MAPK8IP3: variants seen among roughly 807,000 people sequenced by gnomAD.
MAPK8IP3 encodes mitogen-activated protein kinase 8 interacting protein 3.
In MAPK8IP3, 49 loss-of-function variants were observed where a neutral mutation model predicts 157.8. That is an observed-to-expected ratio of 0.31 (90% CI 0.25 to 0.39). The LOEUF (loss-of-function observed/expected upper bound fraction) is 0.39, where lower values mean the gene tolerates loss of function less well. Among genes scored for constraint, MAPK8IP3 ranks in the 10% least tolerant of loss-of-function variants. The pLI is 1.00. For missense variants in MAPK8IP3, 1,478 were observed against 1,889.4 expected (o/e 0.78, Z 4.04); for synonymous variants, 897 against 777.7 (o/e 1.15, Z -2.55).
intron 8 of MAPK8IP3, among the ~76,000 whole-genome samples, chr16:1,753,370 T>C (rs1368962031): frequency 6.6e-6 from 1 of 152,146 alleles, no homozygotes; most frequent in African/African-American, 2.4e-5. Flanking sequence ...TCCTCCCACT[T>C]TGGCCTCCCA....
intron 29 of MAPK8IP3, 24 bp from the exon 30 acceptor site, chr16:1,768,175 C>G (rs200920722): frequency 1.2e-6 from 2 of 1,611,784 alleles, no homozygotes; most frequent in East Asian, 4.5e-5. Flanking sequence ...GCGGGCTCAG[C>G]GCCTCTGGGT....
At chr16:1,768,165 G>A (rs1167881173) in intron 29 of MAPK8IP3, 34 bp from the exon 30 acceptor site, 3 of 1,611,826 alleles carry the variant, frequency 1.9e-6, no homozygotes, top group Middle Eastern at 1.6e-4. Flanking sequence ...CCACCTGTAT[G>A]CGGGCTCAGC....
rs769445567 is a variant in MAPK8IP3, at chr16:1,729,114, TCAGA to T, written c.440-20_440-17del. On this transcript the variant is annotated intron_variant, in intron 2 of 31. Coordinates refer to ENST00000610761, the MANE Select transcript of MAPK8IP3 (RefSeq NM_001318852.2). ...GCCATGGAGAAGCGTCTTGTGCGGC[TCAGA>T]CAGTGATTGTGTTTTCCAGTTTCCC... The T allele has an allele frequency of 3.1e-6, 5 of 1,609,828 alleles. No individual in the cohort carries two copies. Among genetic ancestry groups the T allele is most frequent in the South Asian group, 1.1e-5 (1 of 91,012 alleles).
At chr16:1,713,360 A>G (rs995569943) in intron 1 of MAPK8IP3, among the ~76,000 whole-genome samples, 1 of 152,218 alleles carries the variant, frequency 6.6e-6, no homozygotes, top group East Asian at 1.9e-4. Context: ...CTGGGACTAC[A>G]GGCTCGTGCC....
At chr16:1,732,958 T>G (rs2039414464) in intron 4 of MAPK8IP3, among the ~76,000 whole-genome samples, 1 of 152,212 alleles carries the variant, frequency 6.6e-6, no homozygotes, top group Non-Finnish European at 1.5e-5. Context: ...TTCCATCAGA[T>G]CCCACAGTGG....
chr16:1,759,974 G>T lies in MAPK8IP3; in HGVS notation c.1263G>T (p.Val421=). 1 of 1,614,196 alleles carries T rather than the reference G, an allele frequency of 6.2e-7. No individual in the cohort carries two copies. Among genetic ancestry groups the T allele is most frequent in the Non-Finnish European group, 8.5e-7 (1 of 1,180,020 alleles). The change falls in exon 11 of 32, where the codon GTG becomes GTT. Residue 421 remains valine (V), a synonymous_variant. Transcript: ENST00000610761. ...CTGTTTCAGGAATGGGCAAAGAAGT[G>T]GGGAATCTGCTACTGGAAAACTCAC... ...RDDFFGMGKE[V]GNLLLENSQL... is the part of the protein sequence containing the mutation.
rs774555206 is a variant in MAPK8IP3 at position 1,747,142 on chromosome 16, A to G, written c.861A>G (p.Thr287=). The change falls in exon 6 of 32, where the codon ACA becomes ACG. Residue 287 remains threonine (T), a synonymous_variant. Transcript: ENST00000610761. ...PTSSVPSAAV[T]PLNESLQPLG... is the part of the protein sequence containing the mutation. ...CCTCCGTGCCCTCGGCCGCCGTCAC[A>G]CCCCTCAACGAGAGCCTGCAGCCCC... The G allele has an allele frequency of 2.5e-6, 4 of 1,613,878 alleles. No homozygotes were observed. In the East Asian group the frequency reaches 8.9e-5, roughly 36 times the overall value.
intron 5 of MAPK8IP3, chr16:1,744,656 G>A (rs1887330203): frequency 1.0e-6 from 1 of 985,490 alleles, no homozygotes; most frequent in Non-Finnish European, 1.2e-6. Context: ...CTGAAGACAC[G>A]TCAGCCTCAG....
At position 1,762,388 on chromosome 16, in the gene MAPK8IP3, G is replaced by T; in HGVS notation, c.1577G>T (p.Arg526Leu). 6.3e-7 allele frequency: 1 copy of T among 1,593,460 alleles called. No homozygotes were observed. Among genetic ancestry groups the T allele is most frequent in the East Asian group, 2.3e-5 (1 of 43,726 alleles). The change falls in exon 14 of 32, where the codon CGG (arginine) becomes CTG (leucine). Residue 526 changes from arginine to leucine, a missense_variant. Coordinates refer to ENST00000610761, the MANE Select transcript of MAPK8IP3 (RefSeq NM_001318852.2). ...IPMAQRRRFTRVEMARVLMER... is the reference protein window; with the variant it reads ...IPMAQRRRFTLVEMARVLMER... ...ATGGCCCAGCGCCGCCGCTTCACGCGGGTGGAGATGGCCCGTGTGCTCATG... is the reference window on the plus strand; with the variant it reads ...ATGGCCCAGCGCCGCCGCTTCACGCTGGTGGAGATGGCCCGTGTGCTCATG...
In MAPK8IP3 at chr16:1,767,882, G is replaced by A. The variant is rs750332006; in HGVS notation, c.3487G>A (p.Gly1163Ser). ...VAGSRLWVGT[G>S]NGVVISIPLT... is the part of the protein sequence containing the mutation. Reference sequence around the variant, plus strand: ...GGGCAGCCGGCTCTGGGTGGGCACCGGCAACGGAGTGGTCATCTCCATCCC... The same window carrying A: ...GGGCAGCCGGCTCTGGGTGGGCACCAGCAACGGAGTGGTCATCTCCATCCC... Residue 1163 changes from glycine to serine, a missense_variant, in exon 28 of 32, where the codon GGC becomes AGC. Around this residue, in one of 11 missense-constraint regions of MAPK8IP3, gnomAD observed 68 missense variants for 125.1 expected, o/e 0.54. Transcript: ENST00000610761. 4.3e-6 allele frequency: 7 copies of A among 1,611,340 alleles called. No individual in the cohort carries two copies. Among genetic ancestry groups the A allele is most frequent in the Non-Finnish European group, 2.5e-6 (3 of 1,179,934 alleles).
chr16:1,768,991 G>T lies in MAPK8IP3; in HGVS notation c.*167G>T, dbSNP rs551628172. On this transcript the variant is annotated 3_prime_UTR_variant, in exon 32 of 32. Transcript: ENST00000610761. ...CAGCGGGCAGGGAGTGCGGGGATGCGGATCAGCTGGGAGGAGGAGGGGAGG... is the reference window on the plus strand; with the variant it reads ...CAGCGGGCAGGGAGTGCGGGGATGCTGATCAGCTGGGAGGAGGAGGGGAGG... The T allele has an allele frequency of 1.4e-6, 1 of 739,702 alleles. No homozygotes were observed. Among genetic ancestry groups the T allele is most frequent in the African/African-American group, 1.8e-5 (1 of 56,840 alleles). The allele number at this position is 739,702 out of a possible 1,614,324, so 45.8% of individuals were successfully genotyped here.
At chr16:1,761,428 CCACCATT>C (rs1192522779) in intron 13 of MAPK8IP3, 123 bp downstream of exon 13, 6 of 819,236 alleles carry the variant, frequency 7.3e-6, no homozygotes, top group African/African-American at 5.1e-5. Context: ...GGCAGAGCGG[CCACCATT>C]CACCATTCAC....
intron 5 of MAPK8IP3, 110 bp from the exon 6 acceptor site, chr16:1,746,919 C>T (rs889074670): frequency 5.2e-6 from 7 of 1,342,156 alleles, no homozygotes; most frequent in Non-Finnish European, 6.0e-6. Flanking sequence ...GGGTGTCGGG[C>T]GAGGCAAAGT....
In MAPK8IP3 at chr16:1,762,958, T is replaced by C; in HGVS notation, c.1850T>C (p.Met617Thr). The C allele has an allele frequency of 6.2e-7, 1 of 1,612,988 alleles. No homozygotes were observed. Among genetic ancestry groups the C allele is most frequent in the Non-Finnish European group, 8.5e-7 (1 of 1,179,988 alleles). ...TTCAGCCAGCGCCGCAACCATGCCA[T>C]GTGCCCGATCTCGGCAGGCAGCCGG... Reference protein sequence around the residue: ...AGFSQRRNHAMCPISAGSRPL... With the variant: ...AGFSQRRNHATCPISAGSRPL... The change falls in exon 16 of 32, where the codon ATG becomes ACG. Residue 617 changes from methionine (M) to threonine (T), a missense_variant. Transcript: ENST00000610761.
Position 1,759,115 on chromosome 16 carries a change from G to T in MAPK8IP3, c.1246+120G>T, listed in dbSNP as rs183141511. ...ACAGTGTTGGGGCCGCCGGGGTCAG[G>T]GGGGCAGCCCTGAGTGAAGCTCGCT... is the stretch of plus-strand genomic sequence containing the variant. On this transcript the variant is annotated intron_variant, in intron 10 of 31. Coordinates refer to ENST00000610761, the MANE Select transcript of MAPK8IP3 (RefSeq NM_001318852.2). The T allele has an allele frequency of 4.4e-6, 6 of 1,363,598 alleles. No individual in the cohort carries two copies. In the East Asian group the frequency reaches 1.2e-4, roughly 27 times the overall value. 84.5% of individuals were successfully genotyped at this position (1,363,598 alleles called of 1,614,324 possible).
rs757140589 is a variant in MAPK8IP3, at chr16:1,724,549, A to G, written c.319-8A>G. 1.2e-6 allele frequency: 2 copies of G among 1,612,776 alleles called. No homozygotes were observed. Among genetic ancestry groups the G allele is most frequent in the East Asian group, 2.2e-5 (1 of 44,876 alleles). On this transcript the variant is annotated splice_polypyrimidine_tract_variant and splice_region_variant and intron_variant, in intron 1 of 31. Coordinates refer to ENST00000610761, the MANE Select transcript of MAPK8IP3 (RefSeq NM_001318852.2). This position sits in a 1 kb window ranked among gnomAD's most constrained non-coding sequence, Gnocchi z 4.1. ...GATGACTGCTCTTTCCCTCCCTTCC[A>G]TGCACAGAAATTCATTGAGTTTGAA...
intron 1 of MAPK8IP3, among the ~76,000 whole-genome samples, chr16:1,712,548 C>T (rs1329025726): frequency 6.6e-6 from 1 of 152,100 alleles, no homozygotes; most frequent in Non-Finnish European, 1.5e-5. Context: ...TAGCTGATTG[C>T]TCTCCTGGGG....
chr16:1,744,088 G>A, intron 5 of MAPK8IP3: 3 of 987,768 alleles, frequency 3.0e-6, no homozygotes, highest in Non-Finnish European at 3.6e-6. Flanking sequence ...CAGCCGGTGA[G>A]TGCACCTCAG....
rs2040702724 is a variant in MAPK8IP3, at chr16:1,741,885, C to T, written c.603-1447C>T. Among the ~76,000 whole-genome samples the T allele has an allele frequency of 6.6e-6, 1 of 152,158 alleles. No individual in the cohort carries two copies. Among genetic ancestry groups the T allele is most frequent in the Admixed American group, 6.5e-5 (1 of 15,282 alleles). On this transcript the variant is annotated intron_variant, in intron 4 of 31. Coordinates refer to ENST00000610761, the MANE Select transcript of MAPK8IP3 (RefSeq NM_001318852.2). This position sits in a 1 kb window ranked among gnomAD's most constrained non-coding sequence, Gnocchi z 6.9. ...GGCGGCCAGTCCCCAGAGCTGTATG[C>T]ACCCCACAAAGAGACCCCTTCCCAG...
Sources: gnomAD v4.1 joint callset for allele counts (sites outside exome capture counted in the v4.1 genomes callset) on GRCh38, gnomAD v4.1.1 for gene constraint, gnomAD v4.1.1 regional missense constraint, Gnocchi (gnomAD v3.1) non-coding constraint, MANE v1.5 for transcripts, NCBI Gene and HGNC (gene_info 2026-07-23, HGNC 2026-07-21) for gene names.